The following GTF2I variants were observed in gnomAD, a reference collection of about 807,000 sequenced individuals.
GTF2I encodes the protein general transcription factor IIi, also known as general transcription factor II-I.
A neutral mutation model predicts 67.6 loss-of-function variants in GTF2I; 12 were observed. The observed-to-expected ratio is 0.18, with a 90% CI of 0.11 to 0.29. The LOEUF (loss-of-function observed/expected upper bound fraction) is 0.29. GTF2I is among the 10% of genes least tolerant of loss of function. GTF2I has a pLI of 1.00. For synonymous variants in GTF2I, 149 were observed against 197.0 expected (o/e 0.76, Z 2.04); for missense variants, 271 against 580.1 (o/e 0.47, Z 5.47).
intron 3 of GTF2I, among the ~76,000 whole-genome samples, chr7:74,697,939 T>C (rs2131324712): frequency 1.8e-5 from 1 of 55,492 alleles, no homozygotes; most frequent in East Asian, 2.2e-3. Context: ...CAGCTAATTT[T>C]TGTATTTTTT....
chr7:74,665,376 C>T (rs1358543060), intron 1 of GTF2I, among the ~76,000 whole-genome samples: 6 of 151,780 alleles, frequency 4.0e-5, no homozygotes, highest in Non-Finnish European at 5.9e-5. Context: ...CTCAGCCTCC[C>T]GAGTAGCTGG....
At chr7:74,723,428 C>CTTTTTTTTTT (rs58149301) in intron 12 of GTF2I, among the ~76,000 whole-genome samples, 3,876 of 60,936 alleles carry the variant, frequency 0.064, 995 homozygotes, top group Middle Eastern at 0.19. Context: ...CTCCCGGCCT[C>CTTTTTTTTTT]TTTTTTTTTT....
intron 3 of GTF2I, among the ~76,000 whole-genome samples, chr7:74,696,337 TCTC>T (rs1554398344): frequency 6.6e-6 from 1 of 151,304 alleles, no homozygotes. Context: ...TTCTCCTTCT[TCTC>T]TTTTTTTTTG....
intron 1 of GTF2I, among the ~76,000 whole-genome samples, chr7:74,678,598 G>A (rs1425970912): frequency 1.3e-5 from 2 of 152,044 alleles, no homozygotes; most frequent in Non-Finnish European, 2.9e-5. Flanking sequence ...CCTTCGTTGA[G>A]ACTGAGTCTT....
intron 3 of GTF2I, among the ~76,000 whole-genome samples, chr7:74,698,195 TC>T (rs1251872808): frequency 1.3e-5 from 2 of 152,104 alleles, no homozygotes; most frequent in East Asian, 3.9e-4. Flanking sequence ...GACCTCGTGA[TC>T]CACCCGCCTC....
At chr7:74,666,700 G>A (rs1354780228) in intron 1 of GTF2I, among the ~76,000 whole-genome samples, 1 of 151,718 alleles carries the variant, frequency 6.6e-6, no homozygotes, top group Non-Finnish European at 1.5e-5. Context: ...GGGCACGGTG[G>A]CTCACACCTG....
chr7:74,705,461 T>G (rs1285134901), intron 7 of GTF2I, among the ~76,000 whole-genome samples: 1 of 152,176 alleles, frequency 6.6e-6, no homozygotes, highest in Non-Finnish European at 1.5e-5. Context: ...AGAGTGGTAT[T>G]TGGAAGTTAA....
chr7:74,699,997 A>G, intron 4 of GTF2I: 1 of 373,738 alleles, frequency 2.7e-6, no homozygotes, highest in Non-Finnish European at 4.8e-6. Context: ...CAAGAAACCA[A>G]CCATTGCTCT....
intron 12 of GTF2I, chr7:74,726,918 AG>A (rs1793885072): frequency 1.3e-5 from 2 of 151,226 alleles, no homozygotes; most frequent in Admixed American, 6.6e-5. Flanking sequence ...ATAGATAGAT[AG>A]ATAGATAGAT....
Position 74,700,375 on chromosome 7 carries a change from G to T in GTF2I, c.502G>T (p.Ala168Ser). 1 of 1,614,106 alleles carries T rather than the reference G, an allele frequency of 6.2e-7. No individual in the cohort carries two copies. Among genetic ancestry groups the T allele is most frequent in the East Asian group, 2.2e-5 (1 of 44,888 alleles). The change falls in exon 5 of 35, where the codon GCA (alanine) becomes TCA (serine). Residue 168 changes from alanine (A) to serine (S), a missense_variant. Coordinates refer to ENST00000573035, the MANE Select transcript of GTF2I (RefSeq NM_032999.4). ...TAAACACCCCGAGAACTATGATCTT[G>T]CAACCCTGAAATGGATTTTGGAGAA... ...AFKHPENYDL[A>S]TLKWILENKA...
At chr7:74,723,723 G>A (rs1314283515) in intron 12 of GTF2I, among the ~76,000 whole-genome samples, 1 of 151,988 alleles carries the variant, frequency 6.6e-6, no homozygotes, top group Admixed American at 6.6e-5. Context: ...GAACCACCGC[G>A]CCTGGCCACG....
At chr7:74,720,816 C>A (rs587594147) in intron 12 of GTF2I, among the ~76,000 whole-genome samples, 33 of 147,202 alleles carry the variant, frequency 2.2e-4, no homozygotes, top group Non-Finnish European at 1.0e-4. Flanking sequence ...GATCTCGGCT[C>A]ACTGCAAGCT....
intron 1 of GTF2I, among the ~76,000 whole-genome samples, chr7:74,676,044 GAC>G (rs1261906681): frequency 6.6e-6 from 1 of 151,896 alleles, no homozygotes; most frequent in Admixed American, 6.6e-5. Flanking sequence ...CAAATAAAAA[GAC>G]AGAGAATGGG....
intron 1 of GTF2I, among the ~76,000 whole-genome samples, chr7:74,688,327 C>T (rs1787929924): frequency 6.6e-6 from 1 of 152,204 alleles, no homozygotes; most frequent in Non-Finnish European, 1.5e-5. Flanking sequence ...GATCCACCTG[C>T]CTCGGCCTCC....
intron 3 of GTF2I, 145 bp downstream of exon 3, chr7:74,691,256 G>A: frequency 1.6e-6 from 1 of 610,702 alleles, no homozygotes; most frequent in South Asian, 2.1e-5. Context: ...GCCTAGGCTG[G>A]AGTGCAGTGG....
intron 3 of GTF2I, 62 bp downstream of exon 3, chr7:74,691,173 A>T (rs887932185): frequency 4.3e-5 from 51 of 1,176,602 alleles, no homozygotes; most frequent in Non-Finnish European, 5.9e-5. Flanking sequence ...TTTGTAGGTA[A>T]GACAAGTTAT....
At chr7:74,695,465 T>C (rs991144398) in intron 3 of GTF2I, among the ~76,000 whole-genome samples, 1 of 152,194 alleles carries the variant, frequency 6.6e-6, no homozygotes, top group Admixed American at 6.5e-5. Flanking sequence ...TTGTGGTGAT[T>C]TGGAAATGAA....
At chr7:74,658,731 G>A (rs868925780) in intron 1 of GTF2I, among the ~76,000 whole-genome samples, 7 of 151,272 alleles carry the variant, frequency 4.6e-5, no homozygotes, top group Non-Finnish European at 7.4e-5. Flanking sequence ...GTCCCGGGCC[G>A]GCCCGGCGCG....
Position 74,698,950 on chromosome 7 carries a change from T to A in GTF2I, c.239-11T>A. 9 of 1,251,028 alleles carry A rather than the reference T, an allele frequency of 7.2e-6. No homozygotes were observed. The highest frequency in any genetic ancestry group is 9.5e-6 in the Non-Finnish European group (9 of 948,252). 77.5% of individuals were successfully genotyped at this position (1,251,028 alleles called of 1,614,324 possible). A position where few individuals can be genotyped will look rare whatever the true frequency, so the allele number is the denominator to read the frequency against. ...ATTATTTTTTTATTTTATTTTTTAT[T>A]TTTTTTACAGGTGTTGAAGAAGAAG... On this transcript the variant is annotated splice_polypyrimidine_tract_variant and intron_variant, in intron 3 of 34. Transcript: ENST00000573035.
Sources: gnomAD v4.1 joint callset for allele counts (sites outside exome capture counted in the v4.1 genomes callset) on GRCh38, gnomAD v4.1.1 for gene constraint, MANE v1.5 for transcripts, NCBI Gene and HGNC (gene_info 2026-07-23, HGNC 2026-07-21) for gene names.